Variants in INVS observed in about 807,000 individuals in gnomAD.
INVS encodes the protein inversin.
Under a neutral mutation model 108.8 loss-of-function variants are expected in INVS, and 86 were observed. That is an observed-to-expected ratio of 0.79 (90% CI 0.66 to 0.95). INVS has a LOEUF of 0.95. Among genes scored for constraint, INVS ranks in the 40% least tolerant of loss-of-function variants. The pLI is 0.00. For synonymous variants in INVS, 455 were observed against 473.5 expected (o/e 0.96, Z 0.51); for missense variants, 1,169 against 1,297.4 (o/e 0.90, Z 1.52).
chr9:100,294,028 C>T (rs1259469335), intron 14 of INVS, among the ~76,000 whole-genome samples: 2 of 152,170 alleles, frequency 1.3e-5, no homozygotes, highest in African/African-American at 2.4e-5. Flanking sequence ...ATTACCTACG[C>T]ATGGTGGCAC....
At chr9:100,292,105 C>T (rs148627277) in intron 13 of INVS, among the ~76,000 whole-genome samples, 69 of 152,252 alleles carry the variant, frequency 4.5e-4, no homozygotes, top group African/African-American at 1.6e-3. Flanking sequence ...ACAGTGCTTT[C>T]CAAAGGATAT....
chr9:100,132,273 G>T (rs564212167), intron 3 of INVS, among the ~76,000 whole-genome samples: 1 of 152,096 alleles, frequency 6.6e-6, no homozygotes. Context: ...ATCAGTAAAT[G>T]TGAATATCAA....
At chr9:100,209,643 G>A (rs1405583310) in intron 3 of INVS, among the ~76,000 whole-genome samples, 2 of 151,808 alleles carry the variant, frequency 1.3e-5, no homozygotes, top group Non-Finnish European at 1.5e-5. Context: ...GGTGGTGGGC[G>A]CCTGTAGTCC....
At chr9:100,257,485 G>A (rs1336572979) in intron 10 of INVS, among the ~76,000 whole-genome samples, 2 of 152,180 alleles carry the variant, frequency 1.3e-5, no homozygotes. Context: ...TTTAGTTGAT[G>A]CAGTTTCTTC....
chr9:100,205,700 T>C (rs1830654355), intron 3 of INVS, among the ~76,000 whole-genome samples: 1 of 151,932 alleles, frequency 6.6e-6, no homozygotes, highest in East Asian at 1.9e-4. Flanking sequence ...ATTATAATTA[T>C]AAATTATACT....
At chr9:100,146,245 T>C (rs1423151793) in intron 3 of INVS, among the ~76,000 whole-genome samples, 1 of 152,056 alleles carries the variant, frequency 6.6e-6, no homozygotes, top group Non-Finnish European at 1.5e-5. Flanking sequence ...TGGGGCCGTT[T>C]TGTAAGATTT....
At chr9:100,134,808 C>A (rs1257513911) in intron 3 of INVS, among the ~76,000 whole-genome samples, 3 of 152,112 alleles carry the variant, frequency 2.0e-5, no homozygotes, top group Non-Finnish European at 4.4e-5. Context: ...GAATGAGTAG[C>A]TAAATTGTGA....
chr9:100,129,554 A>C lies in INVS; in HGVS notation c.273+3005A>C, dbSNP rs371658222. 368 of 480,396 alleles carry C rather than the reference A, an allele frequency of 7.7e-4. 5 individuals are homozygous for C. In the South Asian group the frequency reaches 0.012, roughly 16 times the overall value. 29.8% of individuals were successfully genotyped at this position (480,396 alleles called of 1,614,324 possible). On this transcript the variant is annotated intron_variant, in intron 3 of 16. Coordinates refer to ENST00000262457, the MANE Select transcript of INVS (RefSeq NM_014425.5). ...AAAAACAAGGAATCAGAAAAATAAG[A>C]AACCAACAAGACACTTTCATAACTA...
At position 100,104,611 on chromosome 9, in the gene INVS, A is replaced by G. The variant is rs770086181; in HGVS notation, c.90A>G (p.Leu30=). 93 of 1,613,066 alleles carry G rather than the reference A, an allele frequency of 5.8e-5. No homozygotes were observed. The highest frequency in any genetic ancestry group is 7.5e-5 in the Non-Finnish European group (88 of 1,179,114). ...CCGTTAATGGAGATAAGGGTGCTCT[A>G]CAGAGGCTCATCGTAGGTAAGCAGT... ...AAAVNGDKGA[L]QRLIVGNSAL... The change falls in exon 2 of 17, where the codon CTA becomes CTG. Residue 30 remains leucine, a synonymous_variant. Coordinates refer to ENST00000262457, the MANE Select transcript of INVS (RefSeq NM_014425.5).
chr9:100,138,725 AAGAG>A (rs1464399998), intron 3 of INVS, among the ~76,000 whole-genome samples: 1 of 77,794 alleles, frequency 1.3e-5, no homozygotes. Flanking sequence ...TTTTCCTTTC[AAGAG>A]AGAGTCTCGC....
chr9:100,231,799 T>C (rs187914544), intron 5 of INVS, among the ~76,000 whole-genome samples: 4 of 152,334 alleles, frequency 2.6e-5, no homozygotes, highest in Admixed American at 2.0e-4. Flanking sequence ...TTGTAAATAA[T>C]ACTGCAATAA....
intron 1 of INVS, among the ~76,000 whole-genome samples, chr9:100,103,718 A>C: frequency 1.1e-5 from 1 of 91,102 alleles, no homozygotes; most frequent in African/African-American, 4.3e-5. Flanking sequence ...AAGGGAGGGG[A>C]GGGGATGGGA....
rs1173094879 is a variant in INVS, at chr9:100,264,901, C to T, written c.1544C>T (p.Pro515Leu). Residue 515 changes from proline (P) to leucine (L), a missense_variant, in exon 11 of 17, where the codon CCT becomes CTT. This residue lies in a region of INVS where 271 missense variants were observed against 363.8 expected (regional missense o/e 0.74). Transcript: ENST00000262457. The part of the protein sequence containing the change: ...IKLLLDFAAF[P>L]NQMENNEERY... ...TTACTGCTAGACTTTGCTGCTTTCC[C>T]TAATCAGATGGAAAACAATGAAGAG... 4.3e-6 allele frequency: 7 copies of T among 1,611,064 alleles called. No individual in the cohort carries two copies. The South Asian group carries it at 5.5e-5, about 13-fold the overall frequency.
chr9:100,145,288 T>C (rs1828565571), intron 3 of INVS, among the ~76,000 whole-genome samples: 1 of 150,018 alleles, frequency 6.7e-6, no homozygotes, highest in Non-Finnish European at 1.5e-5. Context: ...GGCATGGAGA[T>C]ATAAGGGGTT....
At chr9:100,296,856 G>A (rs2118781185) in intron 14 of INVS, 61 bp from the exon 15 acceptor site, 3 of 1,341,536 alleles carry the variant, frequency 2.2e-6, no homozygotes, top group Non-Finnish European at 3.2e-6. Context: ...GAAACCTTAA[G>A]GAAATTTAGT....
intron 9 of INVS, 76 bp downstream of exon 9, chr9:100,252,514 C>A: frequency 7.4e-7 from 1 of 1,353,456 alleles, no homozygotes; most frequent in Non-Finnish European, 1.0e-6. Context: ...TAAGATAAAG[C>A]TTTCCTTAGC....
intron 3 of INVS, among the ~76,000 whole-genome samples, chr9:100,139,319 G>A (rs1828343990): frequency 6.6e-6 from 1 of 152,040 alleles, no homozygotes; most frequent in Non-Finnish European, 1.5e-5. Context: ...ATAGTTCATT[G>A]TTTTCTTTAT....
intron 3 of INVS, among the ~76,000 whole-genome samples, chr9:100,210,012 A>G (rs1259999362): frequency 6.6e-6 from 1 of 151,938 alleles, no homozygotes; most frequent in African/African-American, 2.4e-5. Context: ...CTTCCTTCCT[A>G]CTTTAAGCTG....
intron 2 of INVS, among the ~76,000 whole-genome samples, chr9:100,113,065 C>G (rs1827393428): frequency 6.6e-6 from 1 of 152,168 alleles, no homozygotes; most frequent in Non-Finnish European, 1.5e-5. Flanking sequence ...ATCACTGACT[C>G]CAGAAGGACT....
Sources: allele counts gnomAD v4.1 joint callset (sites outside exome capture counted in the v4.1 genomes callset), GRCh38; gene constraint gnomAD v4.1.1; regional missense constraint gnomAD v4.1.1; transcripts MANE v1.5; gene names NCBI Gene and HGNC (gene_info 2026-07-23, HGNC 2026-07-21).